Variants in TSHZ2 observed in about 807,000 individuals in gnomAD.
TSHZ2 encodes teashirt homolog 2.
TSHZ2 carries 21 observed loss-of-function variants against 74.4 expected under a neutral mutation model. The ratio of observed to expected loss-of-function variants is 0.28; its 90% CI spans 0.20 to 0.41. The LOEUF is 0.41. Among genes scored for constraint, TSHZ2 ranks in the 10% least tolerant of loss-of-function variants. TSHZ2 has a pLI of 1.00. For synonymous variants in TSHZ2, 540 were observed against 515.3 expected (o/e 1.05, Z -0.65); for missense variants, 1,244 against 1,293.5 (o/e 0.96, Z 0.59).
intron 2 of TSHZ2, among the ~76,000 whole-genome samples, chr20:53,296,410 C>T (rs771106473): frequency 1.3e-5 from 2 of 152,170 alleles, no homozygotes; most frequent in Non-Finnish European, 2.9e-5. Context: ...AATATGCTGG[C>T]AATTTCCAAT....
At chr20:53,341,547 A>G (rs1017344837) in intron 2 of TSHZ2, among the ~76,000 whole-genome samples, 2 of 151,910 alleles carry the variant, frequency 1.3e-5, no homozygotes, top group South Asian at 2.1e-4. Context: ...CTAGTCTCGA[A>G]CTGCTGACCT....
intron 2 of TSHZ2, among the ~76,000 whole-genome samples, chr20:53,356,827 T>TA (rs1980864225): frequency 6.6e-6 from 1 of 151,686 alleles, no homozygotes; most frequent in Non-Finnish European, 1.5e-5. Context: ...CATCTATTGA[T>TA]AAAGGGTTGC....
At chr20:53,195,892 C>T (rs1988851138) in intron 1 of TSHZ2, among the ~76,000 whole-genome samples, 1 of 152,126 alleles carries the variant, frequency 6.6e-6, no homozygotes, top group Admixed American at 6.6e-5. Flanking sequence ...TGTCTGCAGA[C>T]CTAACTGCAG....
At chr20:53,059,844 CTTCATCCCTT>C (rs1295523927) in intron 1 of TSHZ2, among the ~76,000 whole-genome samples, 1 of 152,194 alleles carries the variant, frequency 6.6e-6, no homozygotes, top group Non-Finnish European at 1.5e-5. Flanking sequence ...AACACTAACA[CTTCATCCCTT>C]TGGAATACCC....
At chr20:53,177,140 TC>T (rs1988362832) in intron 1 of TSHZ2, among the ~76,000 whole-genome samples, 1 of 152,176 alleles carries the variant, frequency 6.6e-6, no homozygotes, top group African/African-American at 2.4e-5. Flanking sequence ...TGCCTCAGCC[TC>T]CCAAAGTGCT....
chr20:53,265,074 G>T (rs1990684890), intron 2 of TSHZ2, among the ~76,000 whole-genome samples: 1 of 152,174 alleles, frequency 6.6e-6, no homozygotes, highest in Non-Finnish European at 1.5e-5. Context: ...GGGAGACACA[G>T]CTTGGGGAGC....
chr20:53,108,589 G>A (rs944380698), intron 1 of TSHZ2, among the ~76,000 whole-genome samples: 2 of 152,118 alleles, frequency 1.3e-5, no homozygotes, highest in Non-Finnish European at 2.9e-5. Flanking sequence ...GTCTCCATTA[G>A]CAGGTGTACC....
chr20:53,277,956 T>C (rs894796789), intron 2 of TSHZ2, among the ~76,000 whole-genome samples: 1 of 152,202 alleles, frequency 6.6e-6, no homozygotes, highest in African/African-American at 2.4e-5. Flanking sequence ...ACTGATGCAG[T>C]AGCCACCTTC....
intron 1 of TSHZ2, among the ~76,000 whole-genome samples, chr20:53,155,985 C>T (rs1335046422): frequency 6.6e-6 from 1 of 152,128 alleles, no homozygotes; most frequent in African/African-American, 2.4e-5. Flanking sequence ...ACATATGTCT[C>T]TAAATGCCTG....
intron 1 of TSHZ2, among the ~76,000 whole-genome samples, chr20:53,253,221 T>TTAGAAAG (rs982690641): frequency 2.6e-5 from 4 of 151,182 alleles, no homozygotes; most frequent in African/African-American, 9.7e-5. Context: ...CACAGGAATA[T>TTAGAAAG]TAGAAAGATA....
At chr20:53,362,436 G>A (rs936362523) in intron 2 of TSHZ2, among the ~76,000 whole-genome samples, 16 of 151,682 alleles carry the variant, frequency 1.1e-4, no homozygotes, top group Admixed American at 5.9e-4. Flanking sequence ...TGCCCACCTC[G>A]GCCTCCCAAA....
chr20:53,073,649 A>C (rs1018464969), intron 1 of TSHZ2, among the ~76,000 whole-genome samples: 1 of 152,202 alleles, frequency 6.6e-6, no homozygotes, highest in African/African-American at 2.4e-5. Flanking sequence ...TTTAAAAGGA[A>C]GGGGATGATA....
chr20:53,327,514 A>G (rs1277321056), intron 2 of TSHZ2, among the ~76,000 whole-genome samples: 2 of 152,204 alleles, frequency 1.3e-5, no homozygotes, highest in African/African-American at 2.4e-5. Context: ...TGACAAATGC[A>G]TTGGTCCAAA....
intron 1 of TSHZ2, among the ~76,000 whole-genome samples, chr20:53,243,467 T>C (rs1305515359): frequency 6.6e-6 from 1 of 152,154 alleles, no homozygotes; most frequent in Non-Finnish European, 1.5e-5. Flanking sequence ...TTCGATCAAA[T>C]TGTACCATGA....
chr20:53,333,527 C>T (rs977509515), intron 2 of TSHZ2, among the ~76,000 whole-genome samples: 3 of 151,884 alleles, frequency 2.0e-5, no homozygotes, highest in Non-Finnish European at 4.4e-5. Flanking sequence ...ACGATCTCAG[C>T]TCACTGCAAG....
intron 1 of TSHZ2, among the ~76,000 whole-genome samples, chr20:53,210,015 T>G (rs1989262240): frequency 6.6e-6 from 1 of 152,236 alleles, no homozygotes; most frequent in Non-Finnish European, 1.5e-5. Flanking sequence ...ATTGCCTTGA[T>G]GTAGCGTTAA....
Position 53,074,431 on chromosome 20 carries a change from C to T in TSHZ2, c.40+101098C>T, listed in dbSNP as rs1400799309. 6.6e-6 allele frequency among the ~76,000 whole-genome samples: 1 copy of T among 152,104 alleles called. No individual in the cohort carries two copies. The highest frequency in any genetic ancestry group is 1.5e-5 in the Non-Finnish European group (1 of 68,038). ...ACCAGGAAGTGGGCTGGCCAGAATA[C>T]AAGTCAGAATGAGATGGATGCAGTA... On this transcript the variant is annotated intron_variant, in intron 1 of 2. Transcript: ENST00000371497. The surrounding 1 kb of genome is among the most constrained non-coding windows in gnomAD (Gnocchi z 5.9).
chr20:53,221,114 G>A (rs1055192052), intron 1 of TSHZ2, among the ~76,000 whole-genome samples: 3 of 152,124 alleles, frequency 2.0e-5, no homozygotes, highest in African/African-American at 7.2e-5. Flanking sequence ...GAGATCTGAC[G>A]GTTTTATATG....
intron 1 of TSHZ2, among the ~76,000 whole-genome samples, chr20:52,978,886 A>G (rs968116960): frequency 2.6e-5 from 4 of 152,138 alleles, no homozygotes; most frequent in Admixed American, 2.6e-4. Context: ...TTCTATCTTT[A>G]TAGAGTCTGC....
Sources: gnomAD v4.1 joint callset for allele counts (sites outside exome capture counted in the v4.1 genomes callset) on GRCh38, gnomAD v4.1.1 for gene constraint, Gnocchi (gnomAD v3.1) non-coding constraint, MANE v1.5 for transcripts, NCBI Gene and HGNC (gene_info 2026-07-23, HGNC 2026-07-21) for gene names.